Variants in MUC6 observed in about 807,000 individuals in gnomAD.
MUC6 encodes the protein mucin-6.
In MUC6, 188 loss-of-function variants were observed where a neutral mutation model predicts 201.5. The observed-to-expected ratio is 0.93, with a 90% CI of 0.83 to 1.05. The LOEUF (loss-of-function observed/expected upper bound fraction) is 1.05. Ranked by LOEUF, MUC6 falls within the 50% of genes least tolerant of loss-of-function variation. The probability of loss-of-function intolerance (pLI) is 0.00; values close to 1 mark genes in which losing one functional copy is unlikely to be tolerated. For missense variants in MUC6, 2,706 were observed against 3,256.9 expected (o/e 0.83, Z 4.12); for synonymous variants, 1,228 against 1,389.4 (o/e 0.88, Z 2.58).
chr11:1,015,642 G>A (rs1935643137), intron 31 of MUC6, 120 bp downstream of exon 31: 2 of 1,426,166 alleles, frequency 1.4e-6, no homozygotes, highest in Non-Finnish European at 1.8e-6. Flanking sequence ...AGGGAAGGCA[G>A]GGAACAGGCG....
At chr11:1,035,584 C>A (rs1428938582) in intron 1 of MUC6, among the ~76,000 whole-genome samples, 1 of 149,898 alleles carries the variant, frequency 6.7e-6, no homozygotes, top group African/African-American at 2.4e-5. Flanking sequence ...GAGACCCCCA[C>A]ATCTCCCACG....
At position 1,027,534 on chromosome 11, in the gene MUC6, C is replaced by T. The variant is rs771627305; in HGVS notation, c.1982-17G>A. 6.2e-7 allele frequency: 1 copy of T among 1,611,358 alleles called. No homozygotes were observed. The highest frequency in any genetic ancestry group is 8.5e-7 in the Non-Finnish European group (1 of 1,179,104). ...AGGGGATGGCTGTGGGGGACCCGGGCATCAGACTCTCCGGGAGGGGGCGGC... is the reference window on the plus strand; with the variant it reads ...AGGGGATGGCTGTGGGGGACCCGGGTATCAGACTCTCCGGGAGGGGGCGGC... On this transcript the variant is annotated splice_polypyrimidine_tract_variant and intron_variant, in intron 16 of 32. Transcript: ENST00000421673.
Position 1,033,243 on chromosome 11 carries a change from C to T in MUC6, c.53-168G>A. The T allele has an allele frequency of 1.6e-6, 1 of 630,914 alleles. No homozygotes were observed. The allele number at this position is 630,914 out of a possible 1,614,324, so 39.1% of individuals were successfully genotyped here. ...CCTCAACAGCAAGCCAAGCGCTTGG[C>T]CTCCCATGCTGTCCTTCACGAGCCC... is the stretch of plus-strand genomic sequence containing the variant. On this transcript the variant is annotated intron_variant, in intron 1 of 32. Coordinates refer to ENST00000421673, the MANE Select transcript of MUC6 (RefSeq NM_005961.3). This position sits in a 1 kb window ranked among gnomAD's most constrained non-coding sequence, Gnocchi z 5.6.
intron 2 of MUC6, among the ~76,000 whole-genome samples, chr11:1,032,670 GGTGT>G (rs970976326): frequency 6.6e-6 from 1 of 150,486 alleles, no homozygotes; most frequent in African/African-American, 2.5e-5. Context: ...ATGGGTGTTG[GGTGT>G]GTGTGCATGT....
In MUC6 at chr11:1,031,220, G is replaced by T; in HGVS notation, c.523C>A (p.Leu175Ile). Residue 175 changes from leucine (L) to isoleucine (I), a missense_variant, in exon 5 of 33, where the codon CTC becomes ATC. This residue lies in a region of MUC6 where 1,850 missense variants were observed against 1,958.3 expected (regional missense o/e 0.94). Coordinates refer to ENST00000421673, the MANE Select transcript of MUC6 (RefSeq NM_005961.3). ...ERKYMGQMCG[L>I]CGNFDGKVTN... is the part of the protein sequence containing the mutation. ...ACCTTCCCGTCAAAGTTCCCGCAGA[G>T]CCCGCACATCTGACCCATGTACTTC... The T allele has an allele frequency of 1.3e-6, 2 of 1,587,916 alleles. No individual in the cohort carries two copies. Among genetic ancestry groups the T allele is most frequent in the Non-Finnish European group, 1.7e-6 (2 of 1,168,384 alleles).
Position 1,031,253 on chromosome 11 carries a change from C to T in MUC6, c.490G>A (p.Val164Met). The T allele has an allele frequency of 6.4e-7, 1 of 1,569,112 alleles. No individual in the cohort carries two copies. Among genetic ancestry groups the T allele is most frequent in the South Asian group, 1.2e-5 (1 of 84,862 alleles). ...WGPDSHLMVL[V>M]ERKYMGQMCG... The stretch of plus-strand genomic sequence containing the variant: ...ATCTGACCCATGTACTTCCGCTCCA[C>T]CAGAACCTGCGGGAGACGGCTCTGC... The change falls in exon 5 of 33, where the codon GTG (valine) becomes ATG (methionine). Residue 164 changes from valine to methionine, a missense_variant. Physicochemically the swap from Val to Met is conservative, Grantham distance 21. Transcript: ENST00000421673.
In MUC6 at chr11:1,014,010, C is replaced by T. The variant is rs1375260934; in HGVS notation, c.7040-9G>A. 1.6e-5 allele frequency: 26 copies of T among 1,599,594 alleles called. No individual in the cohort carries two copies. The highest frequency in any genetic ancestry group is 3.4e-5 in the South Asian group (3 of 89,148). On this transcript the variant is annotated splice_polypyrimidine_tract_variant and intron_variant, in intron 31 of 32. Coordinates refer to ENST00000421673, the MANE Select transcript of MUC6 (RefSeq NM_005961.3). ...CCGCACACTGCAGACCCCTGGTAGC[C>T]GAGTGGACGGTCAGCAGCGCCCAGG...
At chr11:1,023,262 G>T (rs1856864179) in intron 26 of MUC6, among the ~76,000 whole-genome samples, 1 of 145,404 alleles carries the variant, frequency 6.9e-6, no homozygotes, top group African/African-American at 2.8e-5. Context: ...ATGTGCATGA[G>T]TGTGTGTGAG....
At chr11:1,032,538 G>C (rs926577810) in intron 2 of MUC6, among the ~76,000 whole-genome samples, 2 of 151,910 alleles carry the variant, frequency 1.3e-5, no homozygotes, top group African/African-American at 4.8e-5. Flanking sequence ...GCGTGTCTCA[G>C]GTGTGTAGGG....
In MUC6 at chr11:1,025,372, G is replaced by A; in HGVS notation, c.2800-5C>T. 1 of 1,606,808 alleles carries A rather than the reference G, an allele frequency of 6.2e-7. No individual in the cohort carries two copies. The highest frequency in any genetic ancestry group is 1.1e-5 in the South Asian group (1 of 90,940). On this transcript the variant is annotated splice_polypyrimidine_tract_variant and splice_region_variant and intron_variant, in intron 22 of 32. Coordinates refer to ENST00000421673, the MANE Select transcript of MUC6 (RefSeq NM_005961.3). Reference sequence around the variant, plus strand: ...CGCCAGCACCACGGACAGGCCCTGTGGGGTGGGGTTGGCATAGGACTGCCT... The same window carrying A: ...CGCCAGCACCACGGACAGGCCCTGTAGGGTGGGGTTGGCATAGGACTGCCT...
chr11:1,025,897 C>T lies in MUC6; in HGVS notation c.2707G>A (p.Asp903Asn), dbSNP rs377731662. 12 of 1,611,648 alleles carry T rather than the reference C, an allele frequency of 7.4e-6. No individual in the cohort carries two copies. Among genetic ancestry groups the T allele is most frequent in the African/African-American group, 4.0e-5 (3 of 74,870 alleles). ...AGGATCTTGAAGGTGGGCTGTGAGT[C>T]GTTGACACCACAGACGTCCTGCAGG... is the stretch of plus-strand genomic sequence containing the variant. Reference protein sequence around the residue: ...ILATDVCGVNDSQPTFKILTE... With the variant: ...ILATDVCGVNNSQPTFKILTE... The change falls in exon 22 of 33, where the codon GAC (aspartate) becomes AAC (asparagine). Residue 903 changes from aspartate to asparagine, a missense_variant. Asp to Asn is a conservative substitution (Grantham distance 23). This residue lies in a region of MUC6 where 1,850 missense variants were observed against 1,958.3 expected (regional missense o/e 0.94). Coordinates refer to ENST00000421673, the MANE Select transcript of MUC6 (RefSeq NM_005961.3).
At chr11:1,032,208 TA>T (rs1307582845) in intron 2 of MUC6, among the ~76,000 whole-genome samples, 155 bp from the exon 3 acceptor site, 1 of 152,190 alleles carries the variant, frequency 6.6e-6, no homozygotes, top group Non-Finnish European at 1.5e-5. Context: ...ACCTGAGTGC[TA>T]TGGTATATGC....
At position 1,025,252 on chromosome 11, in the gene MUC6, C is replaced by T; in HGVS notation, c.2915G>A (p.Gly972Glu). The change falls in exon 23 of 33, where the codon GGG becomes GAG. Residue 972 changes from glycine (G) to glutamate (E), a missense_variant. Gly to Glu is a moderately conservative substitution (Grantham distance 98, BLOSUM62 -2). This residue lies in a region of MUC6 where 1,850 missense variants were observed against 1,958.3 expected (regional missense o/e 0.94). Coordinates refer to ENST00000421673, the MANE Select transcript of MUC6 (RefSeq NM_005961.3). Reference sequence around the variant, plus strand: ...CCAGATGAGCGTCAGGTTGTACCTCCCGGGGATGCTGATGTCCACGACAAG... The same window carrying T: ...CCAGATGAGCGTCAGGTTGTACCTCTCGGGGATGCTGATGTCCACGACAAG... ...LSLVVDISIP[G>E]RYNLTLIWNR... 1 of 1,612,804 alleles carries T rather than the reference C, an allele frequency of 6.2e-7. No homozygotes were observed. The highest frequency in any genetic ancestry group is 8.5e-7 in the Non-Finnish European group (1 of 1,179,844).
rs752304480 is a variant in MUC6 at position 1,030,220 on chromosome 11, G to A, written c.1008C>T (p.Cys336=). The part of the protein sequence containing the change: ...CSSSCTFGCF[C]PEGTVLNDLS... ...GCCTGCGACTGCCCTCACCTTCCGG[G>A]CAGAAGCACCCGAAGGTGCAGGAGC... The change falls in exon 8 of 33, where the codon TGC becomes TGT. Residue 336 remains cysteine, a synonymous_variant. Transcript: ENST00000421673. The A allele has an allele frequency of 6.5e-7, 1 of 1,549,996 alleles. No individual in the cohort carries two copies. Among genetic ancestry groups the A allele is most frequent in the South Asian group, 1.2e-5 (1 of 84,008 alleles).
rs1313497742 is a variant in MUC6 at position 1,029,034 on chromosome 11, G to A, written c.1380+12C>T. Reference sequence around the variant, plus strand: ...GCCCTGCTGGCAGGGATGGGCGCAGGAAAGGCCTTACCTGCCTGGAGAGGT... The same window carrying A: ...GCCCTGCTGGCAGGGATGGGCGCAGAAAAGGCCTTACCTGCCTGGAGAGGT... On this transcript the variant is annotated intron_variant, in intron 11 of 32. Coordinates refer to ENST00000421673, the MANE Select transcript of MUC6 (RefSeq NM_005961.3). The A allele has an allele frequency of 9.3e-6, 15 of 1,612,700 alleles. No homozygotes were observed. The highest frequency in any genetic ancestry group is 4.0e-5 in the African/African-American group (3 of 74,922).
At position 1,016,891 on chromosome 11, in the gene MUC6, G is replaced by T. The variant is rs1396680439; in HGVS notation, c.5910C>A (p.Ser1970=). 1 of 1,613,900 alleles carries T rather than the reference G, an allele frequency of 6.2e-7. No individual in the cohort carries two copies. Among genetic ancestry groups the T allele is most frequent in the Non-Finnish European group, 8.5e-7 (1 of 1,179,904 alleles). ...AGAAGGGACTGCTCCCTGTAGGTGG[G>T]GAGTGTGTGGTGAAGGGTGTGGGTA... ...SRLPTPFTTH[S]PPTGSSPFSS... The change falls in exon 31 of 33, where the codon TCC becomes TCA. Residue 1970 remains serine (S), a synonymous_variant. Coordinates refer to ENST00000421673, the MANE Select transcript of MUC6 (RefSeq NM_005961.3).
chr11:1,033,730 C>G lies in MUC6; in HGVS notation c.53-655G>C, dbSNP rs1321749509. ...AGAGGCTGGGGTGGGGCCAACACCC[C>G]CCACGTCCCACCCCCTGTACCCAGA... On this transcript the variant is annotated intron_variant, in intron 1 of 32. Transcript: ENST00000421673. The surrounding 1 kb of genome is among the most constrained non-coding windows in gnomAD (Gnocchi z 5.6). Among the ~76,000 whole-genome samples, 1 of 151,964 alleles carries G rather than the reference C, an allele frequency of 6.6e-6. No homozygotes were observed. Among genetic ancestry groups the G allele is most frequent in the African/African-American group, 2.4e-5 (1 of 41,380 alleles).
intron 4 of MUC6, 78 bp from the exon 5 acceptor site, chr11:1,031,337 C>T (rs967359592): frequency 7.2e-6 from 10 of 1,380,256 alleles, no homozygotes; most frequent in East Asian, 5.0e-5. Context: ...AGTTCCTGCT[C>T]CTGGACCCAG....
chr11:1,031,746 G>A lies in MUC6; in HGVS notation c.357-13C>T. 1 of 1,549,908 alleles carries A rather than the reference G, an allele frequency of 6.5e-7. No individual in the cohort carries two copies. Among genetic ancestry groups the A allele is most frequent in the Non-Finnish European group, 8.7e-7 (1 of 1,146,358 alleles). Reference sequence around the variant, plus strand: ...CAGGCTGATGACCCTGTGGGGCAAGGGAAGTCGGTGGTCGATCCTCAGTCC... The same window carrying A: ...CAGGCTGATGACCCTGTGGGGCAAGAGAAGTCGGTGGTCGATCCTCAGTCC... On this transcript the variant is annotated splice_polypyrimidine_tract_variant and intron_variant, in intron 3 of 32. Coordinates refer to ENST00000421673, the MANE Select transcript of MUC6 (RefSeq NM_005961.3).
Sources: gnomAD v4.1 joint callset for allele counts (sites outside exome capture counted in the v4.1 genomes callset) on GRCh38, gnomAD v4.1.1 for gene constraint, gnomAD v4.1.1 regional missense constraint, Gnocchi (gnomAD v3.1) non-coding constraint, MANE v1.5 for transcripts, NCBI Gene and HGNC (gene_info 2026-07-23, HGNC 2026-07-21) for gene names.